The following DAB2IP variants were observed in gnomAD, a reference collection of about 807,000 sequenced individuals.
DAB2IP encodes disabled homolog 2-interacting protein.
In DAB2IP, 28 loss-of-function variants were observed where a neutral mutation model predicts 107.2. That is an observed-to-expected ratio of 0.26 (90% confidence interval 0.19 to 0.36). The LOEUF is 0.36. Among genes scored for constraint, DAB2IP ranks in the 10% least tolerant of loss-of-function variants. DAB2IP has a pLI of 1.00. For synonymous variants in DAB2IP, 755 were observed against 706.4 expected (o/e 1.07, Z -1.09); for missense variants, 1,400 against 1,644.7 (o/e 0.85, Z 2.57).
rs1180492328 is a variant in DAB2IP at position 121,736,301 on chromosome 9, C to T, written c.363-20712C>T. Among the ~76,000 whole-genome samples, 2 of 152,158 alleles carry T rather than the reference C, an allele frequency of 1.3e-5. No individual in the cohort carries two copies. The highest frequency in any genetic ancestry group is 6.5e-5 in the Admixed American group (1 of 15,278). On this transcript the variant is annotated intron_variant, in intron 3 of 15. Transcript: ENST00000408936. The surrounding 1 kb of genome is among the most constrained non-coding windows in gnomAD (Gnocchi z 4.6). ...CCAAACTGGAATGCGCCGCGAGAGC[C>T]GGGCCGCGGGCAAGTGAGGGGCTGG... is the stretch of plus-strand genomic sequence containing the variant.
chr9:121,623,502 G>T (rs2118999457), intron 1 of DAB2IP, among the ~76,000 whole-genome samples: 1 of 152,130 alleles, frequency 6.6e-6, no homozygotes, highest in Middle Eastern at 3.4e-3. Context: ...GAGTAGCTGG[G>T]ACTACAAGCA....
intron 1 of DAB2IP, among the ~76,000 whole-genome samples, chr9:121,655,252 G>A (rs1226005862): frequency 1.3e-5 from 2 of 152,088 alleles, no homozygotes; most frequent in Non-Finnish European, 2.9e-5. Context: ...GGATTTGGGG[G>A]GATCCTTTCC....
intron 1 of DAB2IP, among the ~76,000 whole-genome samples, chr9:121,586,572 C>T (rs1158689833): frequency 1.3e-5 from 2 of 152,016 alleles, no homozygotes. Flanking sequence ...TGGCCTGGCA[C>T]CTTGGGAGGC....
chr9:121,745,753 G>A lies in DAB2IP; in HGVS notation c.363-11260G>A, dbSNP rs116536418. Among the ~76,000 whole-genome samples the A allele has an allele frequency of 3.6e-3, 548 of 152,232 alleles. 1 individual carries two copies. The highest frequency in any genetic ancestry group is 0.031 in the Middle Eastern group (9 of 294). Reference sequence around the variant, plus strand: ...GCTGAGGTGCAGGAGAGGCCCATCCGAGGTCCACACTCCTTTGGCCCAGTG... The same window carrying A: ...GCTGAGGTGCAGGAGAGGCCCATCCAAGGTCCACACTCCTTTGGCCCAGTG... On this transcript the variant is annotated intron_variant, in intron 3 of 15. Coordinates refer to ENST00000408936, the Ensembl canonical transcript of DAB2IP.
intron 1 of DAB2IP, among the ~76,000 whole-genome samples, chr9:121,660,114 G>A (rs1013199938): frequency 2.6e-5 from 4 of 152,120 alleles, no homozygotes; most frequent in African/African-American, 9.7e-5. Flanking sequence ...ACAGCCCCTG[G>A]CAGACCACTG....
At chr9:121,658,208 T>C (rs1318450268) in intron 1 of DAB2IP, among the ~76,000 whole-genome samples, 1 of 152,206 alleles carries the variant, frequency 6.6e-6, no homozygotes, top group African/African-American at 2.4e-5. Flanking sequence ...CTTTTGACTA[T>C]TTTTAAGAGA....
chr9:121,764,816 C>T (rs1317990943), intron 8 of DAB2IP, among the ~76,000 whole-genome samples: 4 of 152,226 alleles, frequency 2.6e-5, no homozygotes, highest in Non-Finnish European at 5.9e-5. Context: ...CCTTCCTGCT[C>T]CGAGGCCACA....
intron 3 of DAB2IP, among the ~76,000 whole-genome samples, chr9:121,717,197 G>A (rs2118801599): frequency 6.6e-6 from 1 of 152,260 alleles, no homozygotes; most frequent in South Asian, 2.1e-4. Flanking sequence ...CGGCTCAGGG[G>A]CCAGGATCTT....
chr9:121,606,112 G>A (rs1830861843), intron 1 of DAB2IP, among the ~76,000 whole-genome samples: 1 of 152,198 alleles, frequency 6.6e-6, no homozygotes, highest in South Asian at 2.1e-4. Context: ...GGAAGCCAAG[G>A]CGGGGGATCA....
intron 1 of DAB2IP, among the ~76,000 whole-genome samples, chr9:121,578,722 CTTTTTTTTTTTTTTTTTTTTTTTTT>C (rs749525264): frequency 4.2e-5 from 2 of 47,324 alleles, no homozygotes; most frequent in Non-Finnish European, 7.5e-5. Flanking sequence ...CGGCCTATGT[CTTTTTTTTTTTTTTTTTTTTTTTTT>C]TTTTTTTTTT....
Position 121,702,767 on chromosome 9 carries a change from A to G in DAB2IP, c.362+3309A>G, listed in dbSNP as rs1460801573. On this transcript the variant is annotated intron_variant, in intron 3 of 15. Coordinates refer to ENST00000408936, the Ensembl canonical transcript of DAB2IP. This position sits in a 1 kb window ranked among gnomAD's most constrained non-coding sequence, Gnocchi z 4.5. ...CATTTATTTATTAATGTTACTGAGG[A>G]GCTAGGAGGGTCAGTTGGCAATATT... is the stretch of plus-strand genomic sequence containing the variant. Among the ~76,000 whole-genome samples, 1 of 152,124 alleles carries G rather than the reference A, an allele frequency of 6.6e-6. No individual in the cohort carries two copies. Among genetic ancestry groups the G allele is most frequent in the Non-Finnish European group, 1.5e-5 (1 of 68,022 alleles).
intron 3 of DAB2IP, among the ~76,000 whole-genome samples, chr9:121,729,507 C>T (rs1831405152): frequency 2.6e-5 from 4 of 152,196 alleles, no homozygotes; most frequent in Admixed American, 2.6e-4. Context: ...CCATGTTCTC[C>T]TCTGAAGTCT....
chr9:121,578,713 G>A (rs1488508233), intron 1 of DAB2IP, among the ~76,000 whole-genome samples: 2 of 124,372 alleles, frequency 1.6e-5, no homozygotes, highest in African/African-American at 3.0e-5. Flanking sequence ...CATCCTCTCC[G>A]GCCTATGTCT....
chr9:121,712,693 A>G (rs578165498), intron 3 of DAB2IP, among the ~76,000 whole-genome samples: 194 of 152,282 alleles, frequency 1.3e-3, no homozygotes, highest in African/African-American at 4.1e-3. Flanking sequence ...TCGCCACGCC[A>G]TGAGTACTCT....
At chr9:121,629,111 G>T (rs1831777436) in intron 1 of DAB2IP, among the ~76,000 whole-genome samples, 2 of 152,190 alleles carry the variant, frequency 1.3e-5, no homozygotes, top group Non-Finnish European at 2.9e-5. Flanking sequence ...CAGACTCAGT[G>T]ATGGACCCAA....
intron 1 of DAB2IP, among the ~76,000 whole-genome samples, chr9:121,601,437 C>T (rs749970175): frequency 2.0e-5 from 3 of 152,176 alleles, no homozygotes; most frequent in Non-Finnish European, 4.4e-5. Context: ...CATGATTGAG[C>T]AACATTCTTC....
chr9:121,631,482 G>A (rs947415641), intron 1 of DAB2IP, among the ~76,000 whole-genome samples: 1 of 152,170 alleles, frequency 6.6e-6, no homozygotes, highest in African/African-American at 2.4e-5. Context: ...GGGTACGGGA[G>A]AGAGCAGAGG....
chr9:121,679,748 G>A (rs1416319096), intron 2 of DAB2IP, among the ~76,000 whole-genome samples: 4 of 152,156 alleles, frequency 2.6e-5, no homozygotes, highest in Non-Finnish European at 5.9e-5. Context: ...GGCTCCAGGG[G>A]AGCTGGAAGT....
chr9:121,613,602 A>G (rs1831166183), intron 1 of DAB2IP, among the ~76,000 whole-genome samples: 1 of 152,154 alleles, frequency 6.6e-6, no homozygotes, highest in Non-Finnish European at 1.5e-5. Context: ...CCATAAATCA[A>G]GGCAGCAGCC....
Sources: gnomAD v4.1 joint callset for allele counts (sites outside exome capture counted in the v4.1 genomes callset) on GRCh38, gnomAD v4.1.1 for gene constraint, Gnocchi (gnomAD v3.1) non-coding constraint, MANE v1.5 for transcripts, NCBI Gene and HGNC (gene_info 2026-07-23, HGNC 2026-07-21) for gene names.